BMPER: variants seen among roughly 807,000 people sequenced by gnomAD.
BMPER encodes BMP binding endothelial regulator.
Under a neutral mutation model 87.3 loss-of-function variants are expected in BMPER, and 45 were observed. That is an observed-to-expected ratio of 0.52 (90% CI 0.41 to 0.66). The LOEUF (loss-of-function observed/expected upper bound fraction) is 0.66, where lower values mean the gene tolerates loss of function less well. Among genes scored for constraint, BMPER ranks in the 30% least tolerant of loss-of-function variants. The pLI is 0.00. For synonymous variants in BMPER, 326 were observed against 316.2 expected (o/e 1.03, Z -0.33); for missense variants, 784 against 867.5 (o/e 0.90, Z 1.21).
intron 3 of BMPER, among the ~76,000 whole-genome samples, chr7:33,952,201 T>C (rs1008672290): frequency 1.3e-5 from 2 of 152,224 alleles, no homozygotes; most frequent in African/African-American, 4.8e-5. Context: ...TATAACATCA[T>C]ATAGAATGAA....
intron 6 of BMPER, among the ~76,000 whole-genome samples, chr7:33,992,584 G>C (rs1038524602): frequency 1.6e-3 from 244 of 149,112 alleles, no homozygotes; most frequent in Non-Finnish European, 2.1e-3. Context: ...TTGCCAGTCT[G>C]TGTCTTTTAA....
intron 14 of BMPER, among the ~76,000 whole-genome samples, chr7:34,148,611 T>C (rs1362623278): frequency 1.3e-5 from 2 of 152,104 alleles, no homozygotes; most frequent in African/African-American, 4.8e-5. Flanking sequence ...AGAGATTTCT[T>C]TTTTTTTCTC....
intron 6 of BMPER, among the ~76,000 whole-genome samples, chr7:34,027,342 G>A (rs1463125107): frequency 1.3e-5 from 2 of 152,046 alleles, no homozygotes; most frequent in African/African-American, 4.8e-5. Flanking sequence ...ATGACATGAG[G>A]TGTACTAGTT....
At chr7:33,960,391 A>T (rs372280150) in intron 3 of BMPER, among the ~76,000 whole-genome samples, 1 of 152,174 alleles carries the variant, frequency 6.6e-6, no homozygotes, top group East Asian at 1.9e-4. Context: ...CAGTGTCTGA[A>T]AAGTGGTTCA....
At chr7:34,020,697 C>A (rs1410604023) in intron 6 of BMPER, among the ~76,000 whole-genome samples, 1 of 151,934 alleles carries the variant, frequency 6.6e-6, no homozygotes, top group Non-Finnish European at 1.5e-5. Flanking sequence ...GATGACTGGA[C>A]TGAATTATCC....
rs2127997473 is a variant in BMPER, at chr7:34,153,386, G to C, written c.*113G>C. 4.0e-6 allele frequency: 4 copies of C among 994,328 alleles called. No individual in the cohort carries two copies. The highest frequency in any genetic ancestry group is 2.7e-5 in the South Asian group (2 of 74,246). 61.6% of individuals were successfully genotyped at this position (994,328 alleles called of 1,614,324 possible). Reference sequence around the variant, plus strand: ...CCGATTCTGTAAACACACACACACAGAGTATATATGTGTATATATATATAG... The same window carrying C: ...CCGATTCTGTAAACACACACACACACAGTATATATGTGTATATATATATAG... On this transcript the variant is annotated 3_prime_UTR_variant, in exon 15 of 15. Transcript: ENST00000649409.
intron 6 of BMPER, among the ~76,000 whole-genome samples, chr7:34,036,472 G>A (rs915894459): frequency 6.6e-6 from 1 of 152,106 alleles, no homozygotes; most frequent in African/African-American, 2.4e-5. Context: ...TGGCTGTCAG[G>A]GCCCTTATCA....
intron 3 of BMPER, among the ~76,000 whole-genome samples, chr7:33,951,273 C>T (rs964283918): frequency 3.0e-4 from 46 of 152,162 alleles, no homozygotes; most frequent in African/African-American, 1.1e-3. Flanking sequence ...GTCTTGAACT[C>T]CTGACCTCAA....
chr7:34,089,007 G>A (rs1342833173), intron 13 of BMPER, among the ~76,000 whole-genome samples: 1 of 152,050 alleles, frequency 6.6e-6, no homozygotes, highest in African/African-American at 2.4e-5. Context: ...CATTGTACTT[G>A]TAAATAATGT....
chr7:33,914,468 C>T (rs1337805853), intron 2 of BMPER, among the ~76,000 whole-genome samples: 1 of 151,880 alleles, frequency 6.6e-6, no homozygotes, highest in African/African-American at 2.4e-5. Context: ...ATGTCATAGA[C>T]ACTGTAGGAA....
rs554163651 is a variant in BMPER at position 33,915,949 on chromosome 7, C to T, written c.219+9046C>T. On this transcript the variant is annotated intron_variant, in intron 2 of 14. Coordinates refer to ENST00000649409, the MANE Select transcript of BMPER (RefSeq NM_001365308.1). Reference sequence around the variant, plus strand: ...ACATCTCTATCTTCATCATGAGGCTCTTGTCAGAATTGTAAGTTACAGCAC... The same window carrying T: ...ACATCTCTATCTTCATCATGAGGCTTTTGTCAGAATTGTAAGTTACAGCAC... Among the ~76,000 whole-genome samples the T allele has an allele frequency of 1.8e-3, 271 of 152,258 alleles. 1 individual carries two copies. Among genetic ancestry groups the T allele is most frequent in the African/African-American group, 5.4e-3 (226 of 41,544 alleles).
intron 11 of BMPER, among the ~76,000 whole-genome samples, chr7:34,070,414 T>C (rs1291259489): frequency 1.3e-5 from 2 of 152,188 alleles, no homozygotes; most frequent in Non-Finnish European, 2.9e-5. Flanking sequence ...TTTGCTTGAT[T>C]GTCTTTTTGT....
intron 6 of BMPER, among the ~76,000 whole-genome samples, chr7:33,979,083 G>A (rs1562665688): frequency 1.3e-5 from 2 of 152,064 alleles, no homozygotes; most frequent in South Asian, 2.1e-4. Flanking sequence ...ACATACATAT[G>A]TGTGCATAAG....
chr7:33,906,297 A>C (rs181357348), intron 1 of BMPER, among the ~76,000 whole-genome samples: 14 of 152,346 alleles, frequency 9.2e-5, no homozygotes, highest in African/African-American at 1.4e-4. Flanking sequence ...AGAAAAGAAA[A>C]TATGGAGTCA....
At chr7:34,079,287 C>T (rs1240257987) in intron 12 of BMPER, 101 bp downstream of exon 12, 9 of 1,486,204 alleles carry the variant, frequency 6.1e-6, no homozygotes, top group Admixed American at 5.6e-5. Context: ...GTTCCTCCTC[C>T]GAGCAAAAAC....
chr7:34,051,282 T>C (rs1283131420), intron 7 of BMPER, among the ~76,000 whole-genome samples: 1 of 152,176 alleles, frequency 6.6e-6, no homozygotes, highest in African/African-American at 2.4e-5. Flanking sequence ...GAGACACAAA[T>C]GTTCAAACCA....
At chr7:34,047,741 C>T (rs769380479) in intron 7 of BMPER, among the ~76,000 whole-genome samples, 6 of 151,956 alleles carry the variant, frequency 3.9e-5, no homozygotes, top group African/African-American at 7.2e-5. Flanking sequence ...TTTCCCTAAT[C>T]GCCTCTGGCT....
At chr7:34,025,506 A>G (rs1185226311) in intron 6 of BMPER, among the ~76,000 whole-genome samples, 1 of 152,052 alleles carries the variant, frequency 6.6e-6, no homozygotes, top group Non-Finnish European at 1.5e-5. Context: ...CAGCAAGGCA[A>G]GTGTCAGATC....
At chr7:33,990,562 C>T (rs985589806) in intron 6 of BMPER, among the ~76,000 whole-genome samples, 10 of 151,410 alleles carry the variant, frequency 6.6e-5, no homozygotes, top group African/African-American at 2.4e-4. Flanking sequence ...CATCTGCAAA[C>T]AGGGACAATT....
Sources: allele counts gnomAD v4.1 joint callset (sites outside exome capture counted in the v4.1 genomes callset), GRCh38; gene constraint gnomAD v4.1.1; transcripts MANE v1.5; gene names NCBI Gene and HGNC (gene_info 2026-07-23, HGNC 2026-07-21).